Variants in RAB17 observed in about 807,000 individuals in gnomAD.
RAB17 encodes RAB17, member RAS oncogene family.
A neutral mutation model predicts 19.3 loss-of-function variants in RAB17; 15 were observed. The ratio of observed to expected loss-of-function variants is 0.78; its 90% CI spans 0.52 to 1.20. RAB17 has a LOEUF of 1.20. RAB17 is among the 50% of genes most tolerant of loss of function. The pLI is 0.00. For missense variants in RAB17, 262 were observed against 269.3 expected, an observed-to-expected ratio of 0.97 and a Z score of 0.19; for synonymous variants, 110 against 112.8, an observed-to-expected ratio of 0.97 and a Z score of 0.16.
At chr2:237,589,180 A>C (rs1400631917) in intron 1 of RAB17, among the ~76,000 whole-genome samples, 2 of 151,382 alleles carry the variant, frequency 1.3e-5, no homozygotes, top group Non-Finnish European at 1.5e-5. Context: ...AAATCCCACC[A>C]TTGCACTCCA....
At chr2:237,580,372 G>A (rs768140669) in intron 2 of RAB17, among the ~76,000 whole-genome samples, 3 of 152,194 alleles carry the variant, frequency 2.0e-5, no homozygotes, top group Admixed American at 6.5e-5. Flanking sequence ...AGGGTGAAAC[G>A]TGAGCATAAA....
intron 2 of RAB17, 131 bp from the exon 3 acceptor site, chr2:237,578,286 G>A (rs1232289792): frequency 1.4e-5 from 12 of 841,800 alleles, no homozygotes; most frequent in East Asian, 5.3e-5. Context: ...TCCCACGCCC[G>A]CATGGCCAGG....
chr2:237,577,213 C>G, intron 4 of RAB17, 44 bp downstream of exon 4: 1 of 1,579,798 alleles, frequency 6.3e-7, no homozygotes, highest in Admixed American at 1.8e-5. Context: ...GGGCAGGGCT[C>G]TCTCCTGCTG....
At position 237,578,166 on chromosome 2, in the gene RAB17, G is replaced by T. The variant is rs754103466; in HGVS notation, c.158-11C>A. The T allele has an allele frequency of 5.0e-6, 8 of 1,603,532 alleles. No homozygotes were observed. The East Asian group carries it at 1.6e-4, about 31-fold the overall frequency. ...TTGTGAAGAACGCACCTGAAACAGG[G>T]AGGCCCAGAGGGCTTACTCAGAGGA... On this transcript the variant is annotated splice_polypyrimidine_tract_variant and intron_variant, in intron 2 of 5. Coordinates refer to ENST00000264601, the MANE Select transcript of RAB17 (RefSeq NM_022449.4).
chr2:237,577,288 T>C lies in RAB17; in HGVS notation c.404A>G (p.Asp135Gly), dbSNP rs1174891800. 2 of 1,613,850 alleles carry C rather than the reference T, an allele frequency of 1.2e-6. No individual in the cohort carries two copies. The highest frequency in any genetic ancestry group is 3.4e-4 in the Middle Eastern group (2 of 5,948). ...GGTCACCTCCCGCTCCTGGCTGAGG[T>C]CCGTCTTGTTGCCCACCAGCATCAC... ...VLVMLVGNKTDLSQEREVTFQ... is the reference protein window; with the variant it reads ...VLVMLVGNKTGLSQEREVTFQ... The change falls in exon 4 of 6, where the codon GAC (aspartate) becomes GGC (glycine). Residue 135 changes from aspartate (D) to glycine (G), a missense_variant. Asp to Gly is a moderately conservative substitution (Grantham distance 94). Coordinates refer to ENST00000264601, the MANE Select transcript of RAB17 (RefSeq NM_022449.4).
At chr2:237,584,168 A>G (rs1486591675) in intron 2 of RAB17, among the ~76,000 whole-genome samples, 2 of 151,858 alleles carry the variant, frequency 1.3e-5, no homozygotes, top group Non-Finnish European at 2.9e-5. Flanking sequence ...CTGAAGCTTC[A>G]CAGACCCCAC....
chr2:237,578,186 AGAGGAC>A, intron 2 of RAB17, 31 bp from the exon 3 acceptor site: 1 of 1,583,968 alleles, frequency 6.3e-7, no homozygotes, highest in African/African-American at 1.3e-5. Context: ...GGGCTTACTC[AGAGGAC>A]GAGGTTGCCA....
intron 1 of RAB17, among the ~76,000 whole-genome samples, chr2:237,589,115 G>A (rs975986771): frequency 1.3e-5 from 2 of 151,878 alleles, no homozygotes; most frequent in Non-Finnish European, 2.9e-5. Context: ...AGCTACTCGG[G>A]AGGCTGAGGC....
In RAB17 at chr2:237,577,986, C is replaced by A. The variant is rs76750491; in HGVS notation, c.309+18G>T. On this transcript the variant is annotated intron_variant, in intron 3 of 5. Transcript: ENST00000264601. ...TGCTTGGGAAGGAGGGTGGGACGTG[C>A]CTCAAGGCGGGCCCTACCTTCCTGG... 3.4e-3 allele frequency: 5,405 copies of A among 1,585,218 alleles called. 138 individuals carry two copies. In the African/African-American group the frequency reaches 0.061, roughly 18 times the overall value.
Position 237,574,564 on chromosome 2 carries a change from C to A in RAB17, c.*455G>T, listed in dbSNP as rs1047724. ...CCCACAGTCAGTCATCGCTCCATTTCTTCCTGGCACCACCACCTCCATCTG... is the reference window on the plus strand; with the variant it reads ...CCCACAGTCAGTCATCGCTCCATTTATTCCTGGCACCACCACCTCCATCTG... On this transcript the variant is annotated 3_prime_UTR_variant, in exon 6 of 6. Coordinates refer to ENST00000264601, the MANE Select transcript of RAB17 (RefSeq NM_022449.4). 47 of 1,549,800 alleles carry A rather than the reference C, an allele frequency of 3.0e-5. 1 individual carries two copies. In the East Asian group the frequency reaches 1.1e-3, roughly 38 times the overall value.
At chr2:237,577,865 G>T in intron 3 of RAB17, 139 bp downstream of exon 3, 2 of 968,782 alleles carry the variant, frequency 2.1e-6, no homozygotes, top group Non-Finnish European at 1.5e-6. Context: ...TTGTCAGGAG[G>T]CCATCCTGGA....
chr2:237,580,063 G>A (rs79389721), intron 2 of RAB17, among the ~76,000 whole-genome samples: 10,334 of 152,258 alleles, frequency 0.068, 521 homozygotes, highest in South Asian at 0.12. Context: ...AATGAAGACC[G>A]TGCCCAGAAT....
At chr2:237,584,035 G>A (rs2081329193) in intron 2 of RAB17, among the ~76,000 whole-genome samples, 1 of 151,884 alleles carries the variant, frequency 6.6e-6, no homozygotes, top group Admixed American at 6.6e-5. Flanking sequence ...GGTACAGGCA[G>A]GGCAGGTGTG....
chr2:237,574,982 G>T lies in RAB17; in HGVS notation c.*37C>A. 6.8e-7 allele frequency: 1 copy of T among 1,474,174 alleles called. No homozygotes were observed. 91.3% of individuals were successfully genotyped at this position (1,474,174 alleles called of 1,614,324 possible). A position where few individuals can be genotyped will look rare whatever the true frequency, so the allele number is the denominator to read the frequency against. The stretch of plus-strand genomic sequence containing the variant: ...CTAGAGCTGGCCATGGCCCAGGCAG[G>T]GGGTGTCTTCCCCACAGCCCCCAGG... On this transcript the variant is annotated 3_prime_UTR_variant, in exon 6 of 6. Transcript: ENST00000264601.
In RAB17 at chr2:237,574,598, C is replaced by T. The variant is rs1020632798; in HGVS notation, c.*421G>A. On this transcript the variant is annotated 3_prime_UTR_variant, in exon 6 of 6. Transcript: ENST00000264601. Reference sequence around the variant, plus strand: ...ACCACCACCTCCATCTGGCCTGCTCCCCAACCCCCCAGAAGCAGGTGGGCC... The same window carrying T: ...ACCACCACCTCCATCTGGCCTGCTCTCCAACCCCCCAGAAGCAGGTGGGCC... 1.3e-6 allele frequency: 2 copies of T among 1,539,956 alleles called. No individual in the cohort carries two copies. The highest frequency in any genetic ancestry group is 1.4e-5 in the African/African-American group (1 of 72,754).
chr2:237,575,193 A>C, intron 5 of RAB17, 65 bp from the exon 6 acceptor site: 2 of 1,385,368 alleles, frequency 1.4e-6, no homozygotes, highest in Non-Finnish European at 2.0e-6. Context: ...ACAGCCCTGC[A>C]GACCAGCCAC....
intron 3 of RAB17, chr2:237,577,599 C>T (rs956606645): frequency 1.8e-6 from 1 of 554,434 alleles, no homozygotes; most frequent in African/African-American, 1.9e-5. Context: ...CTAGGACACA[C>T]ATCAGATCCT....
At chr2:237,576,953 T>C (rs866493352) in intron 4 of RAB17, among the ~76,000 whole-genome samples, 2 of 152,168 alleles carry the variant, frequency 1.3e-5, no homozygotes, top group African/African-American at 4.8e-5. Flanking sequence ...GCCATTGCAC[T>C]GGGCCTGAGT....
chr2:237,578,724 C>T (rs1390639724), intron 2 of RAB17: 1 of 152,668 alleles, frequency 6.6e-6, no homozygotes, highest in Non-Finnish European at 1.5e-5. Flanking sequence ...ACCTAGAAAA[C>T]TCTTAGGCAT....
Sources: gnomAD v4.1 joint callset for allele counts (sites outside exome capture counted in the v4.1 genomes callset) on GRCh38, gnomAD v4.1.1 for gene constraint, MANE v1.5 for transcripts, NCBI Gene and HGNC (gene_info 2026-07-23, HGNC 2026-07-21) for gene names.